The following CSMD1 variants were observed in gnomAD, a reference collection of about 807,000 sequenced individuals.
CSMD1 encodes the protein CUB and Sushi multiple domains 1, also known as CUB and sushi domain-containing protein 1.
CSMD1 carries 213 observed loss-of-function variants against 417.5 expected under a neutral mutation model. The observed-to-expected ratio is 0.51, with a 90% CI of 0.46 to 0.57. CSMD1 has a LOEUF of 0.57. CSMD1 is among the 20% of genes least tolerant of loss of function. The pLI, the probability that CSMD1 is intolerant of heterozygous loss-of-function variation, is 0.00. For missense variants in CSMD1, 6,923 were observed against 4,529.7 expected (o/e 1.53, Z -15.17); for synonymous variants, 2,862 against 1,736.8 (o/e 1.65, Z -16.11).
chr8:3,778,143 T>G (rs953166859), intron 5 of CSMD1, among the ~76,000 whole-genome samples: 4 of 152,204 alleles, frequency 2.6e-5, no homozygotes, highest in Non-Finnish European at 5.9e-5. Flanking sequence ...TTGGAGTCAG[T>G]GGAAAAATGT....
At chr8:4,135,847 T>C (rs1276559965) in intron 3 of CSMD1, among the ~76,000 whole-genome samples, 1 of 152,032 alleles carries the variant, frequency 6.6e-6, no homozygotes, top group Non-Finnish European at 1.5e-5. Flanking sequence ...CAAATTGGCA[T>C]TTTTTTAAAT....
At chr8:3,969,992 T>G (rs1294227876) in intron 5 of CSMD1, among the ~76,000 whole-genome samples, 4 of 152,210 alleles carry the variant, frequency 2.6e-5, no homozygotes, top group Non-Finnish European at 5.9e-5. Context: ...AGTCAACATT[T>G]GATTCAGTAA....
At chr8:3,728,015 G>C (rs1400794035) in intron 6 of CSMD1, among the ~76,000 whole-genome samples, 4 of 152,196 alleles carry the variant, frequency 2.6e-5, no homozygotes, top group African/African-American at 4.8e-5. Context: ...CTACACAACA[G>C]TGTGACTGTA....
chr8:3,037,135 C>A (rs1041896083), intron 50 of CSMD1, among the ~76,000 whole-genome samples: 2 of 152,174 alleles, frequency 1.3e-5, no homozygotes, highest in Non-Finnish European at 2.9e-5. Flanking sequence ...CCATCCAAGT[C>A]CCTGCACAAG....
At chr8:4,856,023 G>C (rs2116853360) in intron 1 of CSMD1, among the ~76,000 whole-genome samples, 1 of 151,948 alleles carries the variant, frequency 6.6e-6, no homozygotes, top group Middle Eastern at 3.4e-3. Flanking sequence ...AGAAAGGTCG[G>C]GTTACCCTCA....
chr8:3,055,109 G>C (rs1318327527), intron 49 of CSMD1, among the ~76,000 whole-genome samples: 11 of 152,144 alleles, frequency 7.2e-5, no homozygotes, highest in Admixed American at 1.3e-4. Context: ...GGCAGAGCAG[G>C]GAAAGAAATG....
intron 7 of CSMD1, among the ~76,000 whole-genome samples, chr8:3,684,820 T>G (rs553527568): frequency 2.0e-5 from 3 of 152,126 alleles, no homozygotes; most frequent in Non-Finnish European, 4.4e-5. Context: ...TAGATCATAT[T>G]CCAAACTAGT....
intron 1 of CSMD1, among the ~76,000 whole-genome samples, chr8:4,749,997 A>G (rs1338846846): frequency 6.6e-6 from 1 of 151,658 alleles, no homozygotes; most frequent in Non-Finnish European, 1.5e-5. Flanking sequence ...TTAATTGAAA[A>G]AAAAATAATA....
intron 54 of CSMD1, among the ~76,000 whole-genome samples, chr8:2,993,744 T>C (rs1035578710): frequency 1.3e-5 from 2 of 152,138 alleles, no homozygotes; most frequent in Non-Finnish European, 2.9e-5. Context: ...TTTTAGGACG[T>C]AGACTGAGTG....
Position 3,108,795 on chromosome 8 carries a change from A to G in CSMD1, c.6609-47T>C, listed in dbSNP as rs769759819. On this transcript the variant is annotated intron_variant, in intron 43 of 69. Transcript: ENST00000635120. ...GGCTGGCTAAGGATATTTACTTCTG[A>G]GTGAGATTTATGGAAACTTTGGCTA... 27 of 1,552,688 alleles carry G rather than the reference A, an allele frequency of 1.7e-5. No individual in the cohort carries two copies. The South Asian group carries it at 3.0e-4, about 17-fold the overall frequency.
chr8:4,907,950 G>C (rs542316791), intron 1 of CSMD1, among the ~76,000 whole-genome samples: 92 of 152,214 alleles, frequency 6.0e-4, no homozygotes, highest in Middle Eastern at 6.8e-3. Context: ...GAAAATAAAA[G>C]TAAGGTTATG....
rs1025517419 is a variant in CSMD1 at position 4,969,714 on chromosome 8, C to G, written c.85+24618G>C. On this transcript the variant is annotated intron_variant, in intron 1 of 69. Coordinates refer to ENST00000635120, the MANE Select transcript of CSMD1 (RefSeq NM_033225.6). Reference sequence around the variant, plus strand: ...TTGGAGGGAAGATTCCTGCGGCTGGCTTTCTCTTCCACACTATTGCACTAT... The same window carrying G: ...TTGGAGGGAAGATTCCTGCGGCTGGGTTTCTCTTCCACACTATTGCACTAT... 3.3e-5 allele frequency among the ~76,000 whole-genome samples: 5 copies of G among 152,018 alleles called. No homozygotes were observed. The East Asian group carries it at 9.7e-4, about 29-fold the overall frequency.
At chr8:4,250,178 A>T (rs944938121) in intron 3 of CSMD1, among the ~76,000 whole-genome samples, 1 of 152,168 alleles carries the variant, frequency 6.6e-6, no homozygotes, top group African/African-American at 2.4e-5. Flanking sequence ...GAACCAATAC[A>T]TTTCTTTTCT....
intron 51 of CSMD1, among the ~76,000 whole-genome samples, chr8:3,029,112 C>G (rs780802381): frequency 3.9e-5 from 6 of 152,082 alleles, no homozygotes; most frequent in Non-Finnish European, 7.4e-5. Context: ...AAGACAACAT[C>G]AAATGCCTAA....
At chr8:4,511,666 C>G (rs1195380076) in intron 2 of CSMD1, among the ~76,000 whole-genome samples, 1 of 152,142 alleles carries the variant, frequency 6.6e-6, no homozygotes, top group African/African-American at 2.4e-5. Flanking sequence ...AAGCACAAAG[C>G]TCCAGAGTGG....
In CSMD1 at chr8:3,483,946, G is replaced by A. The variant is rs189075501; in HGVS notation, c.1448+9677C>T. On this transcript the variant is annotated intron_variant, in intron 11 of 69. Transcript: ENST00000635120. ...TTTGACGATTCACAGGACACATAGT[G>A]TTCATGAGCTGAAAGATTTAACATA... Among the ~76,000 whole-genome samples, 768 of 152,304 alleles carry A rather than the reference G, an allele frequency of 5.0e-3. 1 individual carries two copies. Among genetic ancestry groups the A allele is most frequent in the Non-Finnish European group, 6.9e-3 (471 of 68,016 alleles).
chr8:4,920,415 A>G (rs992751023), intron 1 of CSMD1, among the ~76,000 whole-genome samples: 2 of 152,236 alleles, frequency 1.3e-5, no homozygotes, highest in African/African-American at 2.4e-5. Flanking sequence ...ATTCACTCAT[A>G]TCTTGAAAAT....
intron 5 of CSMD1, among the ~76,000 whole-genome samples, chr8:3,882,345 G>A (rs951242182): frequency 3.3e-5 from 5 of 152,264 alleles, no homozygotes; most frequent in East Asian, 1.9e-4. Context: ...AAATCTCGAC[G>A]ATGACAGAAT....
At chr8:3,130,854 AT>A (rs1301356881) in intron 41 of CSMD1, among the ~76,000 whole-genome samples, 1 of 152,106 alleles carries the variant, frequency 6.6e-6, no homozygotes, top group East Asian at 1.9e-4. Flanking sequence ...GCAACTTCAA[AT>A]CAATGCCCTA....
Sources: gnomAD v4.1 joint callset for allele counts (sites outside exome capture counted in the v4.1 genomes callset) on GRCh38, gnomAD v4.1.1 for gene constraint, MANE v1.5 for transcripts, NCBI Gene and HGNC (gene_info 2026-07-23, HGNC 2026-07-21) for gene names.